RPH3A: variants seen among roughly 807,000 people sequenced by gnomAD.
RPH3A encodes the protein rabphilin-3A.
In RPH3A, 48 loss-of-function variants were observed where a neutral mutation model predicts 102.2. The ratio of observed to expected loss-of-function variants is 0.47; its 90% confidence interval spans 0.37 to 0.60. RPH3A has a LOEUF of 0.60. RPH3A is among the 20% of genes least tolerant of loss of function. The pLI is 0.00. For synonymous variants in RPH3A, 310 were observed against 324.3 expected (o/e 0.96, Z 0.47); for missense variants, 781 against 910.1 (o/e 0.86, Z 1.83).
chr12:112,674,456 T>A (rs545094488), intron 1 of RPH3A, among the ~76,000 whole-genome samples: 1 of 152,288 alleles, frequency 6.6e-6, no homozygotes, highest in African/African-American at 2.4e-5. Flanking sequence ...TTTGCTGCAG[T>A]GGGCATCACA....
intron 1 of RPH3A, among the ~76,000 whole-genome samples, chr12:112,745,237 G>A (rs1307506643): frequency 6.6e-6 from 1 of 151,954 alleles, no homozygotes; most frequent in Non-Finnish European, 1.5e-5. Flanking sequence ...TCTCCCCAGT[G>A]CATTTTATCT....
At chr12:112,643,907 T>C (rs771897563) in intron 1 of RPH3A, among the ~76,000 whole-genome samples, 7 of 152,162 alleles carry the variant, frequency 4.6e-5, no homozygotes, top group Non-Finnish European at 1.0e-4. Context: ...TAAGTGTCCA[T>C]CAACAGATGA....
chr12:112,812,284 A>C (rs945558874), intron 2 of RPH3A, among the ~76,000 whole-genome samples: 14 of 152,204 alleles, frequency 9.2e-5, no homozygotes, highest in African/African-American at 3.1e-4. Context: ...CTTTAAAAAC[A>C]AAACCAAACC....
chr12:112,688,274 T>C (rs796324644), intron 1 of RPH3A, among the ~76,000 whole-genome samples: 3 of 152,298 alleles, frequency 2.0e-5, no homozygotes, highest in African/African-American at 7.2e-5. Context: ...TACCCCAGGA[T>C]TATGTCAAAA....
chr12:112,615,323 T>G (rs921385427), intron 1 of RPH3A, among the ~76,000 whole-genome samples: 6 of 152,152 alleles, frequency 3.9e-5, no homozygotes, highest in African/African-American at 1.4e-4. Flanking sequence ...AGCCATCTGG[T>G]GAACCCTGGC....
At chr12:112,621,061 T>C (rs1411684144) in intron 1 of RPH3A, among the ~76,000 whole-genome samples, 2 of 151,856 alleles carry the variant, frequency 1.3e-5, no homozygotes, top group Non-Finnish European at 2.9e-5. Flanking sequence ...TAGGCTGGTC[T>C]TGAACTCCTA....
chr12:112,861,734 C>A (rs2042516412), intron 5 of RPH3A, among the ~76,000 whole-genome samples: 1 of 152,324 alleles, frequency 6.6e-6, no homozygotes, highest in African/African-American at 2.4e-5. Flanking sequence ...ATATCCCCGG[C>A]TGGGTGCAGT....
intron 1 of RPH3A, among the ~76,000 whole-genome samples, chr12:112,754,615 A>G (rs950228854): frequency 6.6e-6 from 1 of 152,200 alleles, no homozygotes; most frequent in African/African-American, 2.4e-5. Context: ...CTGGCTGCCA[A>G]AGTGAAAAGG....
intron 3 of RPH3A, among the ~76,000 whole-genome samples, chr12:112,835,493 A>G (rs908227373): frequency 2.0e-5 from 3 of 152,246 alleles, no homozygotes; most frequent in Non-Finnish European, 2.9e-5. Context: ...ATTTCATTAA[A>G]GTGTTCCTCG....
chr12:112,861,216 C>T (rs2042507597), intron 5 of RPH3A, among the ~76,000 whole-genome samples: 1 of 152,190 alleles, frequency 6.6e-6, no homozygotes, highest in Non-Finnish European at 1.5e-5. Context: ...AACCCAATGC[C>T]TCCTATTTTC....
chr12:112,699,031 C>T lies in RPH3A; in HGVS notation c.-139-93112C>T, dbSNP rs371437120. On this transcript the variant is annotated intron_variant, in intron 1 of 21. Coordinates refer to the RPH3A transcript ENST00000543106. The stretch of plus-strand genomic sequence containing the variant: ...GACCTCCTGGACTCAAGTGATCCTC[C>T]TACCTCAGCCTACCAGGTAGCTGGG... Among the ~76,000 whole-genome samples, 3 of 152,080 alleles carry T rather than the reference C, an allele frequency of 2.0e-5. No homozygotes were observed. The East Asian group carries it at 5.8e-4, about 29-fold the overall frequency.
rs1555209153 is a variant in RPH3A at position 112,791,867 on chromosome 12, G to GGAGAGAGAGCGAGAGAGAGAGA, written c.-276_-275insCGAGAGAGAGAGAGAGAGAGAG. The GGAGAGAGAGCGAGAGAGAGAGA allele has an allele frequency of 1.4e-3, 69 of 48,506 alleles. 7 individuals carry two copies. The highest frequency in any genetic ancestry group is 4.9e-3 in the African/African-American group (51 of 10,428). 3.0% of individuals were successfully genotyped at this position (48,506 alleles called of 1,614,324 possible). A position where few individuals can be genotyped will look rare whatever the true frequency, so the allele number is the denominator to read the frequency against. On this transcript the variant is annotated 5_prime_UTR_variant, in exon 1 of 22. Transcript: ENST00000389385. The stretch of plus-strand genomic sequence containing the variant: ...CGCGGACTGGAAAGGAAGGGAGAAG[G>GGAGAGAGAGCGAGAGAGAGAGA]GAGAGAGAGAGAGAGAGAGAGAGAG...
chr12:112,894,724 G>A (rs1332880655), intron 20 of RPH3A, 65 bp downstream of exon 20: 5 of 1,338,990 alleles, frequency 3.7e-6, no homozygotes, highest in African/African-American at 2.9e-5. Flanking sequence ...GGCACAAATA[G>A]CCACATAGCC....
intron 1 of RPH3A, among the ~76,000 whole-genome samples, chr12:112,706,244 A>G (rs1004907724): frequency 1.5e-4 from 23 of 152,134 alleles, no homozygotes; most frequent in African/African-American, 5.1e-4. Context: ...TTTGGAGTCA[A>G]TGTCCCCAGG....
chr12:112,785,083 A>G (rs1169435795), intron 1 of RPH3A, among the ~76,000 whole-genome samples: 2 of 152,068 alleles, frequency 1.3e-5, no homozygotes, highest in African/African-American at 4.8e-5. Context: ...TTAGTCAGGC[A>G]TGGTGGTGCA....
intron 1 of RPH3A, among the ~76,000 whole-genome samples, chr12:112,723,121 T>C (rs1427251929): frequency 1.3e-5 from 2 of 152,206 alleles, no homozygotes; most frequent in Non-Finnish European, 2.9e-5. Flanking sequence ...GGTATGTATA[T>C]ACAGTTGGCC....
chr12:112,703,506 A>G (rs1185441968), intron 1 of RPH3A, among the ~76,000 whole-genome samples: 2 of 152,248 alleles, frequency 1.3e-5, no homozygotes, highest in East Asian at 3.8e-4. Context: ...GGACAGAAAT[A>G]TAGTCATAAT....
chr12:112,759,796 C>A (rs2040843557), intron 1 of RPH3A, among the ~76,000 whole-genome samples: 1 of 152,200 alleles, frequency 6.6e-6, no homozygotes, highest in South Asian at 2.1e-4. Context: ...GCCACCACTA[C>A]ATCTCTTCTG....
chr12:112,790,503 A>G (rs924646455), upstream of RPH3A, among the ~76,000 whole-genome samples: 19 of 152,226 alleles, frequency 1.2e-4, no homozygotes, highest in African/African-American at 4.3e-4. Flanking sequence ...TGAGTCTCCA[A>G]TAGAGAGAGT....
Sources: gnomAD v4.1 joint callset for allele counts (sites outside exome capture counted in the v4.1 genomes callset) on GRCh38, gnomAD v4.1.1 for gene constraint, MANE v1.5 for transcripts, NCBI Gene and HGNC (gene_info 2026-07-23, HGNC 2026-07-21) for gene names.